COL25A1: variants seen among roughly 807,000 people sequenced by gnomAD.
COL25A1 encodes the protein collagen type XXV alpha 1 chain.
In COL25A1, 103 loss-of-function variants were observed where a neutral mutation model predicts 128.4. The ratio of observed to expected loss-of-function variants is 0.80; its 90% CI spans 0.68 to 0.94. COL25A1 has a LOEUF of 0.94. Among genes scored for constraint, COL25A1 ranks in the 40% least tolerant of loss-of-function variants. The pLI is 0.00. For synonymous variants in COL25A1, 279 were observed against 277.2 expected (o/e 1.01, Z -0.06); for missense variants, 745 against 840.0 (o/e 0.89, Z 1.40).
chr4:109,221,822 T>C (rs1231120701), intron 3 of COL25A1, among the ~76,000 whole-genome samples: 1 of 152,090 alleles, frequency 6.6e-6, no homozygotes, highest in Non-Finnish European at 1.5e-5. Context: ...TTCTTCAGTG[T>C]TATACATTTT....
intron 3 of COL25A1, among the ~76,000 whole-genome samples, chr4:109,085,097 G>A (rs555909940): frequency 3.3e-5 from 5 of 152,218 alleles, no homozygotes; most frequent in African/African-American, 1.2e-4. Flanking sequence ...CATGCACTCT[G>A]TGACATTGGT....
At chr4:108,879,186 T>C (rs1427859320) in intron 19 of COL25A1, among the ~76,000 whole-genome samples, 1 of 152,212 alleles carries the variant, frequency 6.6e-6, no homozygotes, top group East Asian at 1.9e-4. Context: ...AATGATTTCA[T>C]ATGCTGGGAT....
At chr4:108,955,094 A>G (rs1749914373) in intron 8 of COL25A1, among the ~76,000 whole-genome samples, 1 of 152,072 alleles carries the variant, frequency 6.6e-6, no homozygotes, top group Admixed American at 6.6e-5. Context: ...TATGTGGTTA[A>G]AAAATTACAA....
intron 24 of COL25A1, among the ~76,000 whole-genome samples, chr4:108,858,804 C>T (rs558330874): frequency 2.6e-5 from 4 of 151,640 alleles, no homozygotes; most frequent in Admixed American, 6.6e-5. Flanking sequence ...AAAGGTGATA[C>T]GCCAGAGAAA....
chr4:108,874,391 G>T (rs930766159), intron 19 of COL25A1, among the ~76,000 whole-genome samples: 3 of 152,130 alleles, frequency 2.0e-5, no homozygotes, highest in African/African-American at 7.2e-5. Flanking sequence ...ACAAAGTGAC[G>T]GAGGAAACTG....
intron 3 of COL25A1, among the ~76,000 whole-genome samples, chr4:109,065,550 G>GCA (rs1402274062): frequency 1.2e-5 from 1 of 85,314 alleles, no homozygotes; most frequent in African/African-American, 3.6e-5. Flanking sequence ...GCGCGCGTGT[G>GCA]TGTGTGTGTG....
At chr4:108,945,856 G>A (rs1748672842) in intron 8 of COL25A1, among the ~76,000 whole-genome samples, 1 of 152,032 alleles carries the variant, frequency 6.6e-6, no homozygotes. Flanking sequence ...GTAGAAATGG[G>A]GTTTCACCAT....
chr4:109,199,673 A>G (rs1776399588), intron 3 of COL25A1, among the ~76,000 whole-genome samples: 1 of 152,170 alleles, frequency 6.6e-6, no homozygotes, highest in South Asian at 2.1e-4. Flanking sequence ...TACAAACACT[A>G]TGGTTAGCTC....
chr4:109,124,560 A>C (rs1214997472), intron 3 of COL25A1, among the ~76,000 whole-genome samples: 1 of 152,010 alleles, frequency 6.6e-6, no homozygotes, highest in Non-Finnish European at 1.5e-5. Context: ...TCCAGCTTCT[A>C]ATCTTTCATT....
At chr4:109,103,631 C>T (rs1254718961) in intron 3 of COL25A1, among the ~76,000 whole-genome samples, 1 of 152,108 alleles carries the variant, frequency 6.6e-6, no homozygotes, top group African/African-American at 2.4e-5. Context: ...ATTGAAATGC[C>T]ATTTCTCACT....
intron 8 of COL25A1, among the ~76,000 whole-genome samples, chr4:108,961,619 CTGTTCTGT>C (rs1560937050): frequency 6.6e-6 from 1 of 151,118 alleles, no homozygotes; most frequent in East Asian, 2.0e-4. Flanking sequence ...CTGTTCTGTT[CTGTTCTGT>C]TGTTGTGTTG....
intron 3 of COL25A1, among the ~76,000 whole-genome samples, chr4:109,296,417 C>T (rs557074542): frequency 1.2e-4 from 18 of 152,148 alleles, no homozygotes; most frequent in South Asian, 1.0e-3. Context: ...CTTGTCATAC[C>T]TGTACATTCA....
At chr4:109,090,270 A>G (rs1213496761) in intron 3 of COL25A1, among the ~76,000 whole-genome samples, 3 of 152,190 alleles carry the variant, frequency 2.0e-5, no homozygotes, top group East Asian at 1.9e-4. Context: ...AACCTTTGCT[A>G]ATTTATTCAT....
At chr4:108,948,388 T>A (rs981169330) in intron 8 of COL25A1, among the ~76,000 whole-genome samples, 18 of 152,262 alleles carry the variant, frequency 1.2e-4, no homozygotes, top group African/African-American at 4.3e-4. Context: ...GATTGCCTCA[T>A]GGTATTATTA....
At chr4:109,294,676 T>G (rs534301174) in intron 3 of COL25A1, among the ~76,000 whole-genome samples, 1 of 152,248 alleles carries the variant, frequency 6.6e-6, no homozygotes, top group Non-Finnish European at 1.5e-5. Flanking sequence ...TACATTGTTT[T>G]CACATTCTCA....
chr4:109,246,928 T>C (rs1780304767), intron 3 of COL25A1, among the ~76,000 whole-genome samples: 1 of 152,106 alleles, frequency 6.6e-6, no homozygotes, highest in African/African-American at 2.4e-5. Flanking sequence ...ATTATTTCTA[T>C]ATAGGAAACT....
intron 3 of COL25A1, among the ~76,000 whole-genome samples, chr4:109,185,056 T>C (rs1362070546): frequency 6.6e-6 from 1 of 152,156 alleles, no homozygotes; most frequent in Non-Finnish European, 1.5e-5. Context: ...AAGAAAGTGT[T>C]GTGAGCAGTC....
intron 10 of COL25A1, among the ~76,000 whole-genome samples, chr4:108,940,274 T>C (rs113184750): frequency 0.031 from 4,723 of 152,226 alleles, 108 homozygotes; most frequent in Middle Eastern, 0.058. Context: ...AGTGGCTGCC[T>C]CCAGGTGTCT....
intron 35 of COL25A1, 76 bp from the exon 36 acceptor site, chr4:108,819,405 TACA>T (rs750157931): frequency 1.4e-5 from 17 of 1,216,390 alleles, no homozygotes; most frequent in Non-Finnish European, 2.0e-5. Flanking sequence ...AAGAAGTAAC[TACA>T]ACAACAAAGG....
Sources: gnomAD v4.1 joint callset for allele counts (sites outside exome capture counted in the v4.1 genomes callset) on GRCh38, gnomAD v4.1.1 for gene constraint, MANE v1.5 for transcripts, NCBI Gene and HGNC (gene_info 2026-07-23, HGNC 2026-07-21) for gene names.